Variants in CRY2 observed in about 807,000 individuals in gnomAD.
The protein encoded by CRY2 is cryptochrome-2.
A neutral mutation model predicts 69.5 loss-of-function variants in CRY2; 31 were observed. The ratio of observed to expected loss-of-function variants is 0.45; its 90% CI spans 0.34 to 0.60. The LOEUF (loss-of-function observed/expected upper bound fraction) is 0.60. Ranked by LOEUF, CRY2 falls within the 20% of genes least tolerant of loss-of-function variation. CRY2 has a pLI of 0.02. For missense variants in CRY2, 606 were observed against 797.8 expected, an observed-to-expected ratio of 0.76 and a Z score of 2.90; for synonymous variants, 303 against 312.2, an observed-to-expected ratio of 0.97 and a Z score of 0.31.
At position 45,856,274 on chromosome 11, in the gene CRY2, A is replaced by G. The variant is rs557269726; in HGVS notation, c.324+184A>G. 215 of 571,872 alleles carry G rather than the reference A, an allele frequency of 3.8e-4. 2 individuals are homozygous for G. The highest frequency in any genetic ancestry group is 2.2e-3 in the South Asian group (100 of 44,666). 35.4% of individuals were successfully genotyped at this position (571,872 alleles called of 1,614,324 possible). A position where few individuals can be genotyped will look rare whatever the true frequency, so the allele number is the denominator to read the frequency against. On this transcript the variant is annotated intron_variant, in intron 2 of 11. Coordinates refer to ENST00000616080, the MANE Select transcript of CRY2 (RefSeq NM_021117.5). ...TGCTCTTGGAATGGAAACTGTGTTA[A>G]GGAAAAAAATTCTGGGAAACCAGTG...
intron 5 of CRY2, among the ~76,000 whole-genome samples, chr11:45,865,886 T>C (rs1312177362): frequency 1.3e-5 from 2 of 152,188 alleles, no homozygotes; most frequent in African/African-American, 4.8e-5. Context: ...ATTACATTAC[T>C]CTGGTCCCAG....
At chr11:45,851,120 G>A (rs1448893596) in intron 1 of CRY2, among the ~76,000 whole-genome samples, 1 of 151,878 alleles carries the variant, frequency 6.6e-6, no homozygotes, top group Non-Finnish European at 1.5e-5. Context: ...TCTAGAAGGA[G>A]GTACTGCAGC....
chr11:45,869,834 C>T lies in CRY2; in HGVS notation c.1194+17C>T, dbSNP rs754933028. 1.4e-5 allele frequency: 22 copies of T among 1,591,442 alleles called. No individual in the cohort carries two copies. Among genetic ancestry groups the T allele is most frequent in the South Asian group, 3.4e-5 (3 of 88,552 alleles). ...GGGGTCCGGGTGAGTGCTCTCTCAA[C>T]GAAAAGCTGGCCTGTACCCTCTGGT... On this transcript the variant is annotated intron_variant, in intron 7 of 11. Coordinates refer to ENST00000616080, the MANE Select transcript of CRY2 (RefSeq NM_021117.5).
chr11:45,851,355 A>G (rs2134627300), intron 1 of CRY2, among the ~76,000 whole-genome samples: 1 of 152,306 alleles, frequency 6.6e-6, no homozygotes, highest in African/African-American at 2.4e-5. Context: ...CTCTCAGCCC[A>G]TTTCTCTTAG....
chr11:45,878,083 C>G (rs2086437770), intron 11 of CRY2, among the ~76,000 whole-genome samples: 1 of 152,226 alleles, frequency 6.6e-6, no homozygotes, highest in South Asian at 2.1e-4. Context: ...GTACCTCACC[C>G]TCTTATCTTC....
rs1343841325 is a variant in CRY2 at position 45,882,758 on chromosome 11, A to G, written c.*1847A>G. 5.0e-6 allele frequency: 2 copies of G among 398,630 alleles called. No homozygotes were observed. The highest frequency in any genetic ancestry group is 8.8e-6 in the Non-Finnish European group (2 of 226,098). The allele number at this position is 398,630 out of a possible 1,614,324, so 24.7% of individuals were successfully genotyped here. ...AGAGTCAAGCAAACCTGGAAGGGCA[A>G]ATCTGAGAGTGGGAAGGCCAAAGGC... On this transcript the variant is annotated 3_prime_UTR_variant, in exon 12 of 12. Transcript: ENST00000616080.
chr11:45,847,250 A>G (rs551820234), upstream of CRY2: 34 of 1,551,458 alleles, frequency 2.2e-5, no homozygotes, highest in South Asian at 3.2e-4. Context: ...ACTTGTCCGC[A>G]TGCCAGCTCC....
upstream of CRY2, chr11:45,847,206 C>G (rs1389204001): frequency 6.5e-7 from 1 of 1,549,682 alleles, no homozygotes; most frequent in South Asian, 1.2e-5. Context: ...ACTCCGCGGA[C>G]AGCCCCAGCC....
chr11:45,859,549 A>G (rs1444632399), intron 3 of CRY2, among the ~76,000 whole-genome samples: 6 of 150,974 alleles, frequency 4.0e-5, no homozygotes, highest in Admixed American at 1.3e-4. Context: ...GTGACAGAGC[A>G]AGATCCTGTG....
intron 5 of CRY2, among the ~76,000 whole-genome samples, chr11:45,865,104 A>G (rs2086319607): frequency 6.6e-6 from 1 of 152,086 alleles, no homozygotes; most frequent in Admixed American, 6.5e-5. Flanking sequence ...TGTAATACCT[A>G]GGAATGCACA....
At chr11:45,872,282 G>C (rs1402359553) in intron 11 of CRY2, 49 bp downstream of exon 11, 2 of 1,571,798 alleles carry the variant, frequency 1.3e-6, no homozygotes, top group Admixed American at 1.7e-5. Flanking sequence ...GTTGGGAGTG[G>C]GGGGGCCTAC....
intron 11 of CRY2, among the ~76,000 whole-genome samples, chr11:45,874,024 A>G (rs988188375): frequency 1.3e-5 from 2 of 152,156 alleles, no homozygotes; most frequent in Non-Finnish European, 2.9e-5. Context: ...GCTCATGCCT[A>G]TAATCCCAGC....
At chr11:45,865,695 G>A (rs2086325427) in intron 5 of CRY2, among the ~76,000 whole-genome samples, 1 of 151,028 alleles carries the variant, frequency 6.6e-6, no homozygotes, top group African/African-American at 2.4e-5. Flanking sequence ...GGAGGCGGAG[G>A]GTACAGTGAG....
At chr11:45,870,998 G>A (rs1250583073) in intron 10 of CRY2, 64 bp downstream of exon 10, 1 of 1,385,746 alleles carries the variant, frequency 7.2e-7, no homozygotes, top group African/African-American at 1.4e-5. Context: ...CAGTCATTCA[G>A]GACTGAGGCC....
intron 11 of CRY2, among the ~76,000 whole-genome samples, chr11:45,873,010 G>A (rs576730324): frequency 7.2e-5 from 11 of 152,100 alleles, no homozygotes; most frequent in Non-Finnish European, 1.5e-4. Flanking sequence ...TGCCTTTTGC[G>A]GCCTCTCCTC....
In CRY2 at chr11:45,866,051, A is replaced by G. The variant is rs143032634; in HGVS notation, c.742-1561A>G. 7.4e-4 allele frequency among the ~76,000 whole-genome samples: 112 copies of G among 152,360 alleles called. 1 individual carries two copies. Among genetic ancestry groups the G allele is most frequent in the African/African-American group, 2.6e-3 (110 of 41,594 alleles). The stretch of plus-strand genomic sequence containing the variant: ...GGACAGATTTGGGAAATATTTAGGC[A>G]GTAGAATTGACAGGACTTGGTGAGG... On this transcript the variant is annotated intron_variant, in intron 5 of 11. Transcript: ENST00000616080.
intron 11 of CRY2, among the ~76,000 whole-genome samples, chr11:45,878,396 G>A (rs981443066): frequency 1.1e-4 from 16 of 152,206 alleles, no homozygotes; most frequent in African/African-American, 3.1e-4. Context: ...AGGACCTTTT[G>A]TGGTATATCC....
chr11:45,852,368 A>G (rs548180110), intron 1 of CRY2, among the ~76,000 whole-genome samples: 1 of 152,350 alleles, frequency 6.6e-6, no homozygotes, highest in South Asian at 2.1e-4. Flanking sequence ...CTAAGGGACC[A>G]CAGAAGGCCC....
At chr11:45,861,867 C>G (rs994073333) in intron 4 of CRY2, 193 bp from the exon 5 acceptor site, 1 of 577,796 alleles carries the variant, frequency 1.7e-6, no homozygotes, top group South Asian at 2.1e-5. Flanking sequence ...CAGGGGAAAG[C>G]AGAGAAAATA....
Sources: gnomAD v4.1 joint callset for allele counts (sites outside exome capture counted in the v4.1 genomes callset) on GRCh38, gnomAD v4.1.1 for gene constraint, MANE v1.5 for transcripts, NCBI Gene and HGNC (gene_info 2026-07-23, HGNC 2026-07-21) for gene names.